The following SLC19A1 variants were observed in gnomAD, a reference collection of about 807,000 sequenced individuals.
SLC19A1 encodes reduced folate transporter.
Under a neutral mutation model 35.3 loss-of-function variants are expected in SLC19A1, and 37 were observed. The ratio of observed to expected loss-of-function variants is 1.05; its 90% CI spans 0.81 to 1.38. The LOEUF (loss-of-function observed/expected upper bound fraction) is 1.38. Ranked by LOEUF, SLC19A1 falls within the 40% of genes most tolerant of loss-of-function variation. SLC19A1 has a pLI of 0.00. For synonymous variants in SLC19A1, 460 were observed against 398.5 expected, an observed-to-expected ratio of 1.15 and a Z score of -1.84; for missense variants, 831 against 826.9, an observed-to-expected ratio of 1.00 and a Z score of -0.06.
At position 45,513,873 on chromosome 21, in the gene SLC19A1, A is replaced by C. The variant is rs1194534456; in HGVS notation, c.*1785T>G. 1 of 152,254 alleles carries C rather than the reference A, an allele frequency of 6.6e-6. No homozygotes were observed. The highest frequency in any genetic ancestry group is 2.4e-5 in the African/African-American group (1 of 41,448). 9.4% of individuals were successfully genotyped at this position (152,254 alleles called of 1,614,324 possible). A position where few individuals can be genotyped will look rare whatever the true frequency, so the allele number is the denominator to read the frequency against. On this transcript the variant is annotated 3_prime_UTR_variant, in exon 6 of 6. Coordinates refer to ENST00000311124, the MANE Select transcript of SLC19A1 (RefSeq NM_194255.4). ...ACATGGGGTATGCATGCATGGCCATACACAGGCGTGCAGTTGTACACAGGT... is the reference window on the plus strand; with the variant it reads ...ACATGGGGTATGCATGCATGGCCATCCACAGGCGTGCAGTTGTACACAGGT...
chr21:45,520,802 C>A (rs2077414625), intron 5 of SLC19A1, among the ~76,000 whole-genome samples: 1 of 152,132 alleles, frequency 6.6e-6, no homozygotes, highest in Non-Finnish European at 1.5e-5. Context: ...GGGTGGATCA[C>A]CTGAGGTCCA....
chr21:45,505,530 G>C (rs952276136), intron 3 of SLC19A1: 3 of 740,508 alleles, frequency 4.1e-6, no homozygotes, highest in Non-Finnish European at 7.0e-6. Context: ...ACCCCACAGG[G>C]AGATATACAG....
At chr21:45,521,638 G>C (rs1209106079) in intron 5 of SLC19A1, among the ~76,000 whole-genome samples, 3 of 152,180 alleles carry the variant, frequency 2.0e-5, no homozygotes, top group Non-Finnish European at 4.4e-5. Context: ...TCATAACCAA[G>C]ACAGTGTGAT....
At chr21:45,526,015 G>A in intron 4 of SLC19A1, 57 bp from the exon 5 acceptor site, 3 of 1,586,382 alleles carry the variant, frequency 1.9e-6, no homozygotes, top group Non-Finnish European at 2.6e-6. Flanking sequence ...AGCAGCCACA[G>A]GGAAAAGCCT....
rs1383466119 is a variant in SLC19A1 at position 45,513,499 on chromosome 21, G to C, written c.*2159C>G. 1 of 152,168 alleles carries C rather than the reference G, an allele frequency of 6.6e-6. No homozygotes were observed. Among genetic ancestry groups the C allele is most frequent in the East Asian group, 1.9e-4 (1 of 5,162 alleles). 9.4% of individuals were successfully genotyped at this position (152,168 alleles called of 1,614,324 possible). A position where few individuals can be genotyped will look rare whatever the true frequency, so the allele number is the denominator to read the frequency against. The stretch of plus-strand genomic sequence containing the variant: ...ACAAAGCAGCCACGAGGTGCAACAA[G>C]GTCCTCTGTCAGTCACAGCCACCCC... On this transcript the variant is annotated 3_prime_UTR_variant, in exon 6 of 6. Coordinates refer to ENST00000311124, the MANE Select transcript of SLC19A1 (RefSeq NM_194255.4).
At chr21:45,544,990 G>A (rs550095537), upstream of SLC19A1, among the ~76,000 whole-genome samples, 1 of 152,346 alleles carries the variant, frequency 6.6e-6, no homozygotes, top group East Asian at 1.9e-4. Flanking sequence ...GCATAGGGAG[G>A]CAGTGGCATT....
In SLC19A1 at chr21:45,505,211, G is replaced by A. The variant is rs771896470; in HGVS notation, c.498-6599C>T. On this transcript the variant is annotated intron_variant, in intron 3 of 4. Transcript: ENST00000417954. ...GACCCCCCGGCATCGGCTACGAGGGGCGCCAGGGCCCTCCCGGCCCCCCAG... is the reference window on the plus strand; with the variant it reads ...GACCCCCCGGCATCGGCTACGAGGGACGCCAGGGCCCTCCCGGCCCCCCAG... 1.1e-5 allele frequency: 17 copies of A among 1,602,382 alleles called. No individual in the cohort carries two copies. The highest frequency in any genetic ancestry group is 1.4e-5 in the Non-Finnish European group (17 of 1,175,050).
At chr21:45,561,128 G>A (rs374489427) in intron 1 of SLC19A1, among the ~76,000 whole-genome samples, 4 of 152,208 alleles carry the variant, frequency 2.6e-5, no homozygotes, top group Non-Finnish European at 4.4e-5. Context: ...AAATGTCACC[G>A]AGTCTTGTTG....
chr21:45,523,326 C>T (rs950542178), intron 5 of SLC19A1, among the ~76,000 whole-genome samples: 1 of 152,238 alleles, frequency 6.6e-6, no homozygotes, highest in Non-Finnish European at 1.5e-5. Context: ...AGAAATCAAA[C>T]CAGCCAGAGA....
Position 45,533,104 on chromosome 21 carries a change from G to A in SLC19A1, c.190-956C>T, listed in dbSNP as rs919368441. On this transcript the variant is annotated intron_variant, in intron 2 of 5. Transcript: ENST00000311124. This position sits in a 1 kb window ranked among gnomAD's most constrained non-coding sequence, Gnocchi z 4.5. ...GAGGGGGGCAAACGCCCCTGTAGCC[G>A]CCCTGCACCCTCCCAGGAGGGGGAG... 2.0e-5 allele frequency among the ~76,000 whole-genome samples: 3 copies of A among 152,168 alleles called. No individual in the cohort carries two copies. The highest frequency in any genetic ancestry group is 1.9e-4 in the East Asian group (1 of 5,190).
At chr21:45,507,354 A>C (rs2037274871) in intron 3 of SLC19A1, 1 of 613,154 alleles carries the variant, frequency 1.6e-6, no homozygotes, top group Non-Finnish European at 2.9e-6. Context: ...CAGGGAGGGC[A>C]CCCTGCTGTG....
intron 2 of SLC19A1, among the ~76,000 whole-genome samples, chr21:45,535,613 A>G (rs2078085142): frequency 6.6e-6 from 1 of 152,162 alleles, no homozygotes; most frequent in Admixed American, 6.5e-5. Context: ...CTGCAGAGGA[A>G]GCAGCATTCG....
chr21:45,531,856 A>G lies in SLC19A1; in HGVS notation c.482T>C (p.Leu161Pro). The G allele has an allele frequency of 1.3e-6, 2 of 1,585,020 alleles. No homozygotes were observed. The highest frequency in any genetic ancestry group is 1.7e-6 in the Non-Finnish European group (2 of 1,166,432). The stretch of plus-strand genomic sequence containing the variant: ...CACGGAGCTGGTGAACACGCCCAGC[A>G]GCACCGCAGCGCGCGAGTAGCCGGC... The part of the protein sequence containing the change: ...RVAGYSRAAV[L>P]LGVFTSSVLG... The change falls in exon 3 of 6, where the codon CTG (leucine) becomes CCG (proline). Residue 161 changes from leucine to proline, a missense_variant. Coordinates refer to ENST00000311124, the MANE Select transcript of SLC19A1 (RefSeq NM_194255.4).
At position 45,532,133 on chromosome 21, in the gene SLC19A1, T is replaced by C. The variant is rs1332453473; in HGVS notation, c.205A>G (p.Thr69Ala). 1.4e-5 allele frequency: 23 copies of C among 1,601,158 alleles called. No individual in the cohort carries two copies. Among genetic ancestry groups the C allele is most frequent in the Non-Finnish European group, 1.6e-5 (19 of 1,171,790 alleles). Residue 69 changes from threonine to alanine, a missense_variant, in exon 3 of 6, where the codon ACG becomes GCG. Transcript: ENST00000311124. ...AGGTAGGAGTACGACAGCACCGGCG[T>C]GATCTCGTTCGTGACCTGCGGACAG... ...FTREQVTNEI[T>A]PVLSYSYLAV...
Position 45,540,927 on chromosome 21 carries a change from GC to G in SLC19A1, c.-50+1440del, listed in dbSNP as rs2078285040. ...CCAGAGACCCGCAATCAAAACACAA[GC>G]AAACGCCACCTATCATTCCGTGTTT... On this transcript the variant is annotated intron_variant, in intron 1 of 5. Coordinates refer to ENST00000311124, the MANE Select transcript of SLC19A1 (RefSeq NM_194255.4). The surrounding 1 kb of genome is among the most constrained non-coding windows in gnomAD (Gnocchi z 5.5). Among the ~76,000 whole-genome samples the G allele has an allele frequency of 1.3e-5, 2 of 152,106 alleles. No homozygotes were observed. Among genetic ancestry groups the G allele is most frequent in the African/African-American group, 4.8e-5 (2 of 41,408 alleles).
chr21:45,509,477 G>GC, downstream of SLC19A1: 6 of 1,525,750 alleles, frequency 3.9e-6, no homozygotes, highest in Non-Finnish European at 5.3e-6. Context: ...ATCCTGGCCA[G>GC]CCCCCCTCGC....
Position 45,530,946 on chromosome 21 carries a change from G to T in SLC19A1, c.975C>A (p.Gly325=). The T allele has an allele frequency of 1.4e-6, 2 of 1,452,838 alleles. No homozygotes were observed. The highest frequency in any genetic ancestry group is 1.8e-6 in the Non-Finnish European group (2 of 1,104,678). 90.0% of individuals were successfully genotyped at this position (1,452,838 alleles called of 1,614,324 possible). A position where few individuals can be genotyped will look rare whatever the true frequency, so the allele number is the denominator to read the frequency against. ...LLGAITSFAA[G]FVKIRWARWS... ...AGCGCGCCCAGCGGATCTTCACGAAGCCCGCGGCGAAGGACGTGATGGCGC... is the reference window on the plus strand; with the variant it reads ...AGCGCGCCCAGCGGATCTTCACGAATCCCGCGGCGAAGGACGTGATGGCGC... The change falls in exon 4 of 6, where the codon GGC becomes GGA. Residue 325 remains glycine, a synonymous_variant. Transcript: ENST00000311124. The surrounding 1 kb of genome is among the most constrained non-coding windows in gnomAD (Gnocchi z 5.3).
rs191176621 is a variant in SLC19A1, at chr21:45,517,903, C to T, written c.1294-1763G>A. Among the ~76,000 whole-genome samples, 5 of 152,322 alleles carry T rather than the reference C, an allele frequency of 3.3e-5. No individual in the cohort carries two copies. The highest frequency in any genetic ancestry group is 7.2e-5 in the African/African-American group (3 of 41,562). ...CCTGCCTGTAGCGAGGTGCACACCC[C>T]GCTTGACCTGCAGGAGTTGCGTCAG... On this transcript the variant is annotated intron_variant, in intron 5 of 5. Transcript: ENST00000311124. The surrounding 1 kb of genome is among the most constrained non-coding windows in gnomAD (Gnocchi z 4.4).
chr21:45,505,312 C>T lies in SLC19A1; in HGVS notation c.498-6700G>A, dbSNP rs1288807897. The T allele has an allele frequency of 2.5e-6, 4 of 1,601,248 alleles. No homozygotes were observed. The African/African-American group carries it at 4.0e-5, about 16-fold the overall frequency. The stretch of plus-strand genomic sequence containing the variant: ...GTGGGGAGTGGGCCCCGGGCAGAGG[C>T]CGCCTCGTGTGGCTTCGTGTTCCCA... On this transcript the variant is annotated intron_variant, in intron 3 of 4. Coordinates refer to the SLC19A1 transcript ENST00000417954.
Sources: allele counts gnomAD v4.1 joint callset (sites outside exome capture counted in the v4.1 genomes callset), GRCh38; gene constraint gnomAD v4.1.1; non-coding constraint Gnocchi (gnomAD v3.1); transcripts MANE v1.5; gene names NCBI Gene and HGNC (gene_info 2026-07-23, HGNC 2026-07-21).